IDE: variants seen among roughly 807,000 people sequenced by gnomAD.
The protein encoded by IDE is insulin degrading enzyme, also known as insulin-degrading enzyme.
IDE carries 58 observed loss-of-function variants against 133.2 expected under a neutral mutation model. The ratio of observed to expected loss-of-function variants is 0.44; its 90% CI spans 0.35 to 0.54. IDE has a LOEUF of 0.54. Among genes scored for constraint, IDE ranks in the 20% least tolerant of loss-of-function variants. IDE has a pLI of 0.00. For synonymous variants in IDE, 396 were observed against 421.3 expected, an observed-to-expected ratio of 0.94 and a Z score of 0.73; for missense variants, 981 against 1,234.0, an observed-to-expected ratio of 0.79 and a Z score of 3.07.
intron 1 of IDE, among the ~76,000 whole-genome samples, chr10:92,541,762 A>G (rs980150451): frequency 6.6e-6 from 1 of 152,196 alleles, no homozygotes; most frequent in Non-Finnish European, 1.5e-5. Context: ...ACTAGATGTT[A>G]TCTAGTCCTT....
At chr10:92,465,309 G>A (rs1051826176) in intron 20 of IDE, among the ~76,000 whole-genome samples, 5 of 152,272 alleles carry the variant, frequency 3.3e-5, no homozygotes, top group Admixed American at 6.5e-5. Flanking sequence ...ATATAAAGAC[G>A]AATGAGAGAT....
rs771878469 is a variant in IDE, at chr10:92,536,287, G to A, written c.283+1079C>T. On this transcript the variant is annotated intron_variant, in intron 2 of 24. Coordinates refer to ENST00000265986, the MANE Select transcript of IDE (RefSeq NM_004969.4). The stretch of plus-strand genomic sequence containing the variant: ...AATCCCAGCTACTCAGGAGGGTGAG[G>A]CAGGAAGATTGCTTGAACCTGGGAG... Among the ~76,000 whole-genome samples the A allele has an allele frequency of 5.1e-4, 77 of 151,186 alleles. 2 individuals carry two copies. Among genetic ancestry groups the A allele is most frequent in the Non-Finnish European group, 1.0e-4 (7 of 67,948 alleles).
chr10:92,481,306 G>T (rs1470338999), intron 14 of IDE, among the ~76,000 whole-genome samples: 1 of 152,142 alleles, frequency 6.6e-6, no homozygotes, highest in Non-Finnish European at 1.5e-5. Flanking sequence ...GCCTGGCAAG[G>T]TGGCATACGC....
intron 2 of IDE, among the ~76,000 whole-genome samples, chr10:92,535,274 T>C (rs1841938678): frequency 6.6e-6 from 1 of 152,098 alleles, no homozygotes; most frequent in African/African-American, 2.4e-5. Flanking sequence ...CAGCTAATTC[T>C]TTGTATTTTT....
In IDE at chr10:92,468,928, A is replaced by G; in HGVS notation, c.2271T>C (p.Pro757=). The G allele has an allele frequency of 6.2e-7, 1 of 1,613,088 alleles. No individual in the cohort carries two copies. The highest frequency in any genetic ancestry group is 8.5e-7 in the Non-Finnish European group (1 of 1,179,058). The part of the protein sequence containing the change: ...DTLIEHAHTK[P]LLPSQLVRYR... ...ACCGAACCAGCTGACTTGGAAGGAG[A>G]GGTTTGGTATGAGCATGTTCAATGA... Residue 757 remains proline, a synonymous_variant, in exon 19 of 25, where the codon CCT becomes CCC. Transcript: ENST00000265986.
intron 13 of IDE, among the ~76,000 whole-genome samples, chr10:92,484,668 G>A (rs932460974): frequency 6.6e-6 from 1 of 152,072 alleles, no homozygotes; most frequent in African/African-American, 2.4e-5. Flanking sequence ...GGGAGGCAGA[G>A]GTTGCAGTGA....
chr10:92,559,651 T>C (rs1376185892), intron 1 of IDE, among the ~76,000 whole-genome samples: 1 of 152,178 alleles, frequency 6.6e-6, no homozygotes, highest in African/African-American at 2.4e-5. Flanking sequence ...GTATAATGTT[T>C]CTTTTTGAGG....
At chr10:92,551,445 A>G (rs1191627543) in intron 1 of IDE, among the ~76,000 whole-genome samples, 1 of 151,164 alleles carries the variant, frequency 6.6e-6, no homozygotes, top group African/African-American at 2.4e-5. Flanking sequence ...GTGCACACCT[A>G]TAGTCCCAGA....
intron 7 of IDE, 128 bp from the exon 8 acceptor site, chr10:92,508,333 GA>G (rs1209920559): frequency 9.1e-5 from 67 of 734,914 alleles, no homozygotes; most frequent in Middle Eastern, 2.5e-4. Context: ...AAAAGATTGG[GA>G]AAAAAAAATC....
At chr10:92,515,502 G>A (rs987591130) in intron 4 of IDE, among the ~76,000 whole-genome samples, 4 of 149,176 alleles carry the variant, frequency 2.7e-5, no homozygotes, top group Non-Finnish European at 5.9e-5. Flanking sequence ...CTCGTGATCC[G>A]CCCGCCTCAG....
At chr10:92,554,792 AG>A (rs1474203198) in intron 1 of IDE, 5 of 152,312 alleles carry the variant, frequency 3.3e-5, no homozygotes, top group African/African-American at 1.2e-4. Context: ...GGTTGCAGTG[AG>A]CCAAGATCTC....
chr10:92,569,399 T>C (rs1383593497), intron 1 of IDE, among the ~76,000 whole-genome samples: 4 of 152,158 alleles, frequency 2.6e-5, no homozygotes. Flanking sequence ...AATCAACTAG[T>C]AGGGAGACAG....
At chr10:92,568,839 TAATAAC>T (rs1403318474) in intron 1 of IDE, among the ~76,000 whole-genome samples, 2 of 149,324 alleles carry the variant, frequency 1.3e-5, no homozygotes, top group African/African-American at 2.5e-5. Flanking sequence ...ATAATAATAA[TAATAAC>T]AATACCTTTA....
chr10:92,539,742 G>A (rs1444869908), intron 1 of IDE, among the ~76,000 whole-genome samples: 4 of 150,944 alleles, frequency 2.6e-5, no homozygotes, highest in Non-Finnish European at 5.9e-5. Context: ...CCAGCCTGGC[G>A]ACAGAGTGAG....
At chr10:92,536,047 A>G (rs1841983353) in intron 2 of IDE, among the ~76,000 whole-genome samples, 1 of 151,862 alleles carries the variant, frequency 6.6e-6, no homozygotes, top group East Asian at 1.9e-4. Flanking sequence ...GAGAAAAAAA[A>G]AAAAAGAAGC....
At chr10:92,481,692 G>GAA (rs1202723785) in intron 14 of IDE, among the ~76,000 whole-genome samples, 1 of 152,116 alleles carries the variant, frequency 6.6e-6, no homozygotes, top group East Asian at 1.9e-4. Flanking sequence ...ACACACACAT[G>GAA]AAAATTTCAA....
At chr10:92,466,374 T>C (rs187832624) in intron 19 of IDE, among the ~76,000 whole-genome samples, 2 of 151,990 alleles carry the variant, frequency 1.3e-5, no homozygotes, top group Admixed American at 1.3e-4. Context: ...TGGAGTGAAG[T>C]GGTGCCATCT....
intron 10 of IDE, among the ~76,000 whole-genome samples, chr10:92,505,728 C>A (rs1848260309): frequency 6.6e-6 from 1 of 152,142 alleles, no homozygotes; most frequent in Non-Finnish European, 1.5e-5. Flanking sequence ...TGATAAGAAC[C>A]TAGCCAGGCA....
intron 11 of IDE, among the ~76,000 whole-genome samples, chr10:92,497,431 A>G (rs944134692): frequency 6.6e-6 from 1 of 152,214 alleles, no homozygotes; most frequent in African/African-American, 2.4e-5. Flanking sequence ...ATACTGCAGA[A>G]CAGATACACA....
Sources: gnomAD v4.1 joint callset for allele counts (sites outside exome capture counted in the v4.1 genomes callset) on GRCh38, gnomAD v4.1.1 for gene constraint, MANE v1.5 for transcripts, NCBI Gene and HGNC (gene_info 2026-07-23, HGNC 2026-07-21) for gene names.